Variants in TEX44 observed in about 807,000 individuals in gnomAD.
TEX44 encodes the protein testis-expressed protein 44.
For synonymous variants in TEX44, 196 were observed against 205.9 expected, an observed-to-expected ratio of 0.95 and a Z score of 0.41; for missense variants, 487 against 509.6, an observed-to-expected ratio of 0.96 and a Z score of 0.43.
chr2:231,593,385 C>A lies in TEX44; in HGVS notation c.434C>A (p.Pro145Gln). The stretch of plus-strand genomic sequence containing the variant: ...ATGGCGAGTGTTCCTGAGAGAGAGC[C>A]GGAGTCAGCCCCCTCTGCCCCGAGT... ...SQMASVPEREPESAPSAPSAE... is the reference protein window; with the variant it reads ...SQMASVPEREQESAPSAPSAE... The change falls in exon 1 of 1, where the codon CCG becomes CAG. Residue 145 changes from proline to glutamine, a missense_variant. Transcript: ENST00000313965. 6.2e-7 allele frequency: 1 copy of A among 1,614,170 alleles called. No homozygotes were observed. Among genetic ancestry groups the A allele is most frequent in the Non-Finnish European group, 8.5e-7 (1 of 1,180,042 alleles).
chr2:231,593,365 G>A lies in TEX44; in HGVS notation c.414G>A (p.Ala138=), dbSNP rs139110116. 8 of 1,614,130 alleles carry A rather than the reference G, an allele frequency of 5.0e-6. No homozygotes were observed. Among genetic ancestry groups the A allele is most frequent in the East Asian group, 4.5e-5 (2 of 44,848 alleles). Residue 138 remains alanine (A), a synonymous_variant, in exon 1 of 1, where the codon GCG becomes GCA. Coordinates refer to ENST00000313965, the MANE Select transcript of TEX44 (RefSeq NM_152614.3). The part of the protein sequence containing the change: ...LLGKDKMSQM[A]SVPEREPESA... ...GTAAAGACAAGATGTCACAAATGGC[G>A]AGTGTTCCTGAGAGAGAGCCGGAGT...
chr2:231,593,985 G>A lies in TEX44; in HGVS notation c.1034G>A (p.Gly345Glu), dbSNP rs773372346. 14 of 1,610,528 alleles carry A rather than the reference G, an allele frequency of 8.7e-6. No individual in the cohort carries two copies. Among genetic ancestry groups the A allele is most frequent in the Non-Finnish European group, 1.1e-5 (13 of 1,179,992 alleles). Reference sequence around the variant, plus strand: ...AGCGTCAGCTCGGCCTTCTCCTCTGGGCTGGTGTCAGGGACCAGCTCAGCC... The same window carrying A: ...AGCGTCAGCTCGGCCTTCTCCTCTGAGCTGGTGTCAGGGACCAGCTCAGCC... ...VGSVSSAFSSGLVSGTSSALR... is the reference protein window; with the variant it reads ...VGSVSSAFSSELVSGTSSALR... The change falls in exon 1 of 1, where the codon GGG (glycine) becomes GAG (glutamate). Residue 345 changes from glycine (G) to glutamate (E), a missense_variant. Coordinates refer to ENST00000313965, the MANE Select transcript of TEX44 (RefSeq NM_152614.3).
rs780762751 is a variant in TEX44, at chr2:231,593,001, A to C, written c.50A>C (p.Lys17Thr). ...PLGNVDDSRSKDSPAGEPQGQ... is the reference protein window; with the variant it reads ...PLGNVDDSRSTDSPAGEPQGQ... ...GGCAACGTGGATGACAGCAGGTCTAAGGACAGCCCAGCAGGAGAGCCCCAA... is the reference window on the plus strand; with the variant it reads ...GGCAACGTGGATGACAGCAGGTCTACGGACAGCCCAGCAGGAGAGCCCCAA... Residue 17 changes from lysine to threonine, a missense_variant, in exon 1 of 1, where the codon AAG becomes ACG. Transcript: ENST00000313965. 2.5e-6 allele frequency: 4 copies of C among 1,614,058 alleles called. No individual in the cohort carries two copies. In the East Asian group the frequency reaches 8.9e-5, roughly 36 times the overall value.
rs1393829303 is a variant in TEX44 at position 231,593,268 on chromosome 2, C to T, written c.317C>T (p.Pro106Leu). 2 of 1,614,174 alleles carry T rather than the reference C, an allele frequency of 1.2e-6. No homozygotes were observed. The highest frequency in any genetic ancestry group is 8.5e-7 in the Non-Finnish European group (1 of 1,180,036). The stretch of plus-strand genomic sequence containing the variant: ...CAAGTGTCTATGAGCCTTCAGAATC[C>T]AGCGTGGGACAGGCAGGTTCAAGAC... ...PLQVSMSLQN[P>L]AWDRQVQDAR... The change falls in exon 1 of 1, where the codon CCA (proline) becomes CTA (leucine). Residue 106 changes from proline to leucine, a missense_variant. Physicochemically the swap from Pro to Leu is moderately conservative, Grantham distance 98. Transcript: ENST00000313965.
Position 231,593,707 on chromosome 2 carries a change from G to A in TEX44, c.756G>A (p.Val252=). The A allele has an allele frequency of 6.2e-7, 1 of 1,611,542 alleles. No individual in the cohort carries two copies. The highest frequency in any genetic ancestry group is 8.5e-7 in the Non-Finnish European group (1 of 1,179,998). ...CCCCGTCGCCTGGCCCCCACGAGGT[G>A]GCCCTGGGGAGAAGGCCCCTGGACT... is the stretch of plus-strand genomic sequence containing the variant. ...SVSPSPGPHE[V]ALGRRPLDSS... The change falls in exon 1 of 1, where the codon GTG becomes GTA. Residue 252 remains valine, a synonymous_variant. Coordinates refer to ENST00000313965, the MANE Select transcript of TEX44 (RefSeq NM_152614.3).
chr2:231,593,506 G>A lies in TEX44; in HGVS notation c.555G>A (p.Gln185=). 1 of 1,614,132 alleles carries A rather than the reference G, an allele frequency of 6.2e-7. No individual in the cohort carries two copies. The highest frequency in any genetic ancestry group is 8.5e-7 in the Non-Finnish European group (1 of 1,180,046). ...GTGCCAATGGCCAGCATGGCCCTCAGGCTGCCAGCACCACCAAGTCTGCTG... is the reference window on the plus strand; with the variant it reads ...GTGCCAATGGCCAGCATGGCCCTCAAGCTGCCAGCACCACCAAGTCTGCTG... ...TAGANGQHGP[Q]AASTTKSAEE... is the part of the protein sequence containing the mutation. The change falls in exon 1 of 1, where the codon CAG becomes CAA. Residue 185 remains glutamine, a synonymous_variant. Coordinates refer to ENST00000313965, the MANE Select transcript of TEX44 (RefSeq NM_152614.3).
Position 231,593,851 on chromosome 2 carries a change from C to T in TEX44, c.900C>T (p.Thr300=), listed in dbSNP as rs1190462100. Residue 300 remains threonine, a synonymous_variant, in exon 1 of 1, where the codon ACC becomes ACT. Transcript: ENST00000313965. Reference sequence around the variant, plus strand: ...ACATCCTGGTGTGGTCCGAGACCACCATGGGCATGGCCATAGCCACAGGCT... The same window carrying T: ...ACATCCTGGTGTGGTCCGAGACCACTATGGGCATGGCCATAGCCACAGGCT... ...LADILVWSET[T]MGMAIATGFL... 1.4e-5 allele frequency: 22 copies of T among 1,610,668 alleles called. No homozygotes were observed. The highest frequency in any genetic ancestry group is 1.9e-5 in the Non-Finnish European group (22 of 1,180,014).
Position 231,592,913 on chromosome 2 carries a change from A to G in TEX44, c.-39A>G, listed in dbSNP as rs2047770594. On this transcript the variant is annotated 5_prime_UTR_variant, in exon 1 of 1. Transcript: ENST00000313965. ...CAAAGGGCATAGATGACCACAGGAGAGCCCTAGGGGGAGGCCGGCTCCACC... is the reference window on the plus strand; with the variant it reads ...CAAAGGGCATAGATGACCACAGGAGGGCCCTAGGGGGAGGCCGGCTCCACC... 1 of 1,534,134 alleles carries G rather than the reference A, an allele frequency of 6.5e-7. No individual in the cohort carries two copies.
At chr2:231,594,044 G>T in the TEX44 span, 3 of 1,612,940 alleles carry the variant, frequency 1.9e-6, no homozygotes, top group Non-Finnish European at 2.5e-6. Context: ...GGAGACAGTG[G>T]AGCAGAGGAC....
At position 231,593,410 on chromosome 2, in the gene TEX44, T is replaced by A. The variant is rs751436374; in HGVS notation, c.459T>A (p.Ser153Arg). The change falls in exon 1 of 1, where the codon AGT becomes AGA. Residue 153 changes from serine (S) to arginine (R), a missense_variant. By Grantham distance (110) the Ser-to-Arg change is moderately radical. Coordinates refer to ENST00000313965, the MANE Select transcript of TEX44 (RefSeq NM_152614.3). The stretch of plus-strand genomic sequence containing the variant: ...CGGAGTCAGCCCCCTCTGCCCCGAG[T>A]GCTGAGCTACAGTCCACCCAGCACA... Reference protein sequence around the residue: ...REPESAPSAPSAELQSTQHME... With the variant: ...REPESAPSAPRAELQSTQHME... 11 of 1,614,168 alleles carry A rather than the reference T, an allele frequency of 6.8e-6. No homozygotes were observed. In the East Asian group the frequency reaches 2.5e-4, roughly 36 times the overall value.
chr2:231,594,059 G>A lies in TEX44; in HGVS notation c.1108G>A (p.Glu370Lys). Residue 370 changes from glutamate (E) to lysine (K), a missense_variant, in exon 1 of 1, where the codon GAG becomes AAG. Transcript: ENST00000313965. ...VLETVEQRTV[E>K]GIRSAMRYLT... ...GGAGACAGTGGAGCAGAGGACCGTGGAGGGCATCCGCTCAGCCATGCGCTA... is the reference window on the plus strand; with the variant it reads ...GGAGACAGTGGAGCAGAGGACCGTGAAGGGCATCCGCTCAGCCATGCGCTA... 1 of 1,612,216 alleles carries A rather than the reference G, an allele frequency of 6.2e-7. No homozygotes were observed. Among genetic ancestry groups the A allele is most frequent in the Middle Eastern group, 1.7e-4 (1 of 6,060 alleles).
At position 231,594,263 on chromosome 2, in the gene TEX44, C is replaced by G; in HGVS notation, c.*124C>G. On this transcript the variant is annotated 3_prime_UTR_variant, in exon 1 of 1. Transcript: ENST00000313965. ...TTCCCCCAGCCCATGCAATAAATCA[C>G]CAGTGAGCATTTATTTCTAAGCACC... 1 of 793,556 alleles carries G rather than the reference C, an allele frequency of 1.3e-6. No homozygotes were observed. The highest frequency in any genetic ancestry group is 1.8e-5 in the South Asian group (1 of 55,172). 49.2% of individuals were successfully genotyped at this position (793,556 alleles called of 1,614,324 possible). A position where few individuals can be genotyped will look rare whatever the true frequency, so the allele number is the denominator to read the frequency against.
chr2:231,592,947 C>G lies in TEX44; in HGVS notation c.-5C>G, dbSNP rs2047770866. The G allele has an allele frequency of 1.2e-6, 2 of 1,612,016 alleles. No homozygotes were observed. Among genetic ancestry groups the G allele is most frequent in the Admixed American group, 3.3e-5 (2 of 59,950 alleles). On this transcript the variant is annotated 5_prime_UTR_variant, in exon 1 of 1. Transcript: ENST00000313965. ...GGGAGGCCGGCTCCACCAGCAGCCC[C>G]ATACATGGCACTCCCAGGGTACCCC...
Position 231,593,442 on chromosome 2 carries a change from C to T in TEX44, c.491C>T (p.Ala164Val), listed in dbSNP as rs766321339. Residue 164 changes from alanine to valine, a missense_variant, in exon 1 of 1, where the codon GCT becomes GTT. Transcript: ENST00000313965. ...CTACAGTCCACCCAGCACATGGAGG[C>T]TCAGCCCGTCGAGAGTGATGCTGAC... ...AELQSTQHME[A>V]QPVESDADHV... The T allele has an allele frequency of 7.4e-6, 12 of 1,614,226 alleles. No homozygotes were observed. The highest frequency in any genetic ancestry group is 2.2e-5 in the South Asian group (2 of 91,088).
chr2:231,593,452 CGA>C, the TEX44 span: 1 of 1,614,208 alleles, frequency 6.2e-7, no homozygotes, highest in Non-Finnish European at 8.5e-7. Flanking sequence ...CTCAGCCCGT[CGA>C]GAGTGATGCT....
rs776799099 is a variant in TEX44 at position 231,593,066 on chromosome 2, A to T, written c.115A>T (p.Ser39Cys). The T allele has an allele frequency of 1.2e-6, 2 of 1,614,048 alleles. No individual in the cohort carries two copies. Among genetic ancestry groups the T allele is most frequent in the African/African-American group, 2.7e-5 (2 of 74,922 alleles). The change falls in exon 1 of 1, where the codon AGC becomes TGC. Residue 39 changes from serine (S) to cysteine (C), a missense_variant. Physicochemically the swap from Ser to Cys is moderately radical, Grantham distance 112. Transcript: ENST00000313965. ...PLTADVLAVSSSVASTDWQDI... is the reference protein window; with the variant it reads ...PLTADVLAVSCSVASTDWQDI... ...CACAGCAGATGTCTTGGCAGTGAGC[A>T]GCTCTGTCGCATCCACTGACTGGCA...
Position 231,593,382 on chromosome 2 carries a change from A to G in TEX44, c.431A>G (p.Glu144Gly). 6.2e-7 allele frequency: 1 copy of G among 1,614,038 alleles called. No homozygotes were observed. The highest frequency in any genetic ancestry group is 1.7e-5 in the Admixed American group (1 of 59,980). ...MSQMASVPER[E>G]PESAPSAPSA... ...CAAATGGCGAGTGTTCCTGAGAGAGAGCCGGAGTCAGCCCCCTCTGCCCCG... is the reference window on the plus strand; with the variant it reads ...CAAATGGCGAGTGTTCCTGAGAGAGGGCCGGAGTCAGCCCCCTCTGCCCCG... Residue 144 changes from glutamate to glycine, a missense_variant, in exon 1 of 1, where the codon GAG becomes GGG. Glu to Gly is a moderately conservative substitution (Grantham distance 98, BLOSUM62 -2). Coordinates refer to ENST00000313965, the MANE Select transcript of TEX44 (RefSeq NM_152614.3).
chr2:231,592,921 G>A lies in TEX44; in HGVS notation c.-31G>A. 1.3e-6 allele frequency: 2 copies of A among 1,577,590 alleles called. No individual in the cohort carries two copies. Among genetic ancestry groups the A allele is most frequent in the African/African-American group, 1.4e-5 (1 of 74,070 alleles). ...ATAGATGACCACAGGAGAGCCCTAG[G>A]GGGAGGCCGGCTCCACCAGCAGCCC... On this transcript the variant is annotated 5_prime_UTR_variant, in exon 1 of 1. Transcript: ENST00000313965.
chr2:231,593,718 G>A lies in TEX44; in HGVS notation c.767G>A (p.Arg256Lys), dbSNP rs2047778622. 2 of 1,611,364 alleles carry A rather than the reference G, an allele frequency of 1.2e-6. No individual in the cohort carries two copies. The highest frequency in any genetic ancestry group is 4.5e-5 in the East Asian group (2 of 44,876). ...GGCCCCCACGAGGTGGCCCTGGGGA[G>A]AAGGCCCCTGGACTCCAGCCTGTAC... ...SPGPHEVALG[R>K]RPLDSSLYTA... is the part of the protein sequence containing the mutation. Residue 256 changes from arginine to lysine, a missense_variant, in exon 1 of 1, where the codon AGA becomes AAA. Physicochemically the swap from Arg to Lys is conservative, Grantham distance 26. Coordinates refer to ENST00000313965, the MANE Select transcript of TEX44 (RefSeq NM_152614.3).
Sources: gnomAD v4.1 joint callset for allele counts on GRCh38, gnomAD v4.1.1 for gene constraint, MANE v1.5 for transcripts, NCBI Gene and HGNC (gene_info 2026-07-23, HGNC 2026-07-21) for gene names.